The following GABRG3 variants were observed in gnomAD, a reference collection of about 807,000 sequenced individuals.
GABRG3 encodes gamma-aminobutyric acid type A receptor subunit gamma3, also known as gamma-aminobutyric acid receptor subunit gamma-3.
Under a neutral mutation model 48.8 loss-of-function variants are expected in GABRG3, and 25 were observed. The ratio of observed to expected loss-of-function variants is 0.51; its 90% confidence interval spans 0.37 to 0.72. The LOEUF is 0.72. Ranked by LOEUF, GABRG3 falls within the 30% of genes least tolerant of loss-of-function variation. The probability of loss-of-function intolerance (pLI) is 0.00; values close to 1 mark genes in which losing one functional copy is unlikely to be tolerated. For synonymous variants in GABRG3, 227 were observed against 217.6 expected (o/e 1.04, Z -0.38); for missense variants, 394 against 577.9 (o/e 0.68, Z 3.26).
intron 5 of GABRG3, among the ~76,000 whole-genome samples, chr15:27,382,930 G>C (rs1347397723): frequency 6.6e-6 from 1 of 152,130 alleles, no homozygotes; most frequent in Non-Finnish European, 1.5e-5. Flanking sequence ...TGTTGAGTGT[G>C]CTTGGATATA....
intron 9 of GABRG3, among the ~76,000 whole-genome samples, chr15:27,528,266 A>G (rs927614277): frequency 4.6e-5 from 7 of 152,200 alleles, no homozygotes; most frequent in African/African-American, 1.4e-4. Flanking sequence ...ATATAGGTTC[A>G]TGCATTTTAG....
intron 2 of GABRG3, among the ~76,000 whole-genome samples, chr15:26,998,527 A>C (rs1293411741): frequency 6.6e-6 from 1 of 152,118 alleles, no homozygotes; most frequent in African/African-American, 2.4e-5. Context: ...CCCACTCTTC[A>C]AGTAAACAAG....
chr15:27,162,032 A>G (rs1016081366), intron 3 of GABRG3, among the ~76,000 whole-genome samples: 1 of 152,092 alleles, frequency 6.6e-6, no homozygotes, highest in Non-Finnish European at 1.5e-5. Flanking sequence ...TTTATTTATA[A>G]AAGTGAAGGG....
At chr15:27,214,090 A>G (rs560922570) in intron 3 of GABRG3, among the ~76,000 whole-genome samples, 1 of 152,330 alleles carries the variant, frequency 6.6e-6, no homozygotes, top group South Asian at 2.1e-4. Context: ...AACTGAGGCA[A>G]TCTGGAGAAG....
At chr15:27,203,963 G>A (rs1040074697) in intron 3 of GABRG3, among the ~76,000 whole-genome samples, 1 of 151,942 alleles carries the variant, frequency 6.6e-6, no homozygotes, top group Non-Finnish European at 1.5e-5. Context: ...CCTTTGTCAG[G>A]TGTATAGTTT....
chr15:27,115,384 T>C (rs189984805), intron 3 of GABRG3, among the ~76,000 whole-genome samples: 106 of 152,306 alleles, frequency 7.0e-4, no homozygotes, highest in Admixed American at 2.3e-3. Flanking sequence ...CAGAACACGG[T>C]GGACCCAGGG....
intron 3 of GABRG3, among the ~76,000 whole-genome samples, chr15:27,177,228 G>A (rs1056831110): frequency 6.6e-6 from 1 of 152,166 alleles, no homozygotes; most frequent in Non-Finnish European, 1.5e-5. Flanking sequence ...CTTGGTATGA[G>A]TTACAGGTCC....
At chr15:27,115,311 C>T (rs541941002) in intron 3 of GABRG3, among the ~76,000 whole-genome samples, 242 of 152,180 alleles carry the variant, frequency 1.6e-3, no homozygotes, top group African/African-American at 5.5e-3. Context: ...GGTCCAGCTG[C>T]GAGCTCCATT....
intron 3 of GABRG3, among the ~76,000 whole-genome samples, chr15:27,121,798 G>T (rs1897736495): frequency 6.6e-6 from 1 of 152,114 alleles, no homozygotes; most frequent in Non-Finnish European, 1.5e-5. Flanking sequence ...GTGAGATTCT[G>T]TTTTTTTGCA....
intron 5 of GABRG3, among the ~76,000 whole-genome samples, chr15:27,372,957 G>A (rs1209808069): frequency 6.6e-6 from 1 of 152,140 alleles, no homozygotes; most frequent in Admixed American, 6.5e-5. Flanking sequence ...TTCAGCTGTG[G>A]CCTCCAGCAA....
intron 3 of GABRG3, among the ~76,000 whole-genome samples, chr15:27,082,965 G>A (rs981641950): frequency 2.0e-5 from 3 of 152,194 alleles, no homozygotes; most frequent in African/African-American, 7.2e-5. Flanking sequence ...AGGACTACAA[G>A]TTTTCTCCGT....
intron 3 of GABRG3, among the ~76,000 whole-genome samples, chr15:27,247,079 C>T (rs1232075644): frequency 6.6e-6 from 1 of 152,206 alleles, no homozygotes; most frequent in African/African-American, 2.4e-5. Flanking sequence ...ACTGGGACTG[C>T]AGGTGTGCAC....
intron 5 of GABRG3, among the ~76,000 whole-genome samples, chr15:27,388,151 G>A (rs1321929453): frequency 2.6e-5 from 2 of 77,562 alleles, no homozygotes; most frequent in African/African-American, 7.8e-5. Context: ...GGTAAGGAAG[G>A]AAGGAAGAAA....
At chr15:27,528,350 TAA>T (rs1891333147) in intron 9 of GABRG3, among the ~76,000 whole-genome samples, 2 of 152,250 alleles carry the variant, frequency 1.3e-5, no homozygotes, top group Non-Finnish European at 2.9e-5. Context: ...TATATGTACT[TAA>T]GTTTTGTGCC....
intron 2 of GABRG3, among the ~76,000 whole-genome samples, chr15:26,990,537 A>G (rs1335238321): frequency 1.3e-5 from 2 of 152,126 alleles, no homozygotes; most frequent in African/African-American, 4.8e-5. Context: ...CTCTTGTCAG[A>G]TGGATAGTTT....
chr15:27,072,164 A>G lies in GABRG3; in HGVS notation c.270+45343A>G, dbSNP rs1896839270. On this transcript the variant is annotated intron_variant, in intron 3 of 9. Transcript: ENST00000615808. ...GCTCCTGAAGGTCCTGAAGGCTGCC[A>G]GCTCTCCTTGTGAGTCTTCTCATGG... Among the ~76,000 whole-genome samples, 4 of 152,210 alleles carry G rather than the reference A, an allele frequency of 2.6e-5. No individual in the cohort carries two copies. In the South Asian group the frequency reaches 6.2e-4, roughly 24 times the overall value.
At chr15:27,250,269 C>G (rs963214880) in intron 3 of GABRG3, among the ~76,000 whole-genome samples, 13 of 152,202 alleles carry the variant, frequency 8.5e-5, no homozygotes, top group Non-Finnish European at 1.5e-4. Flanking sequence ...CTGATCACCT[C>G]CAGACCCATG....
chr15:27,289,061 A>G (rs778326592), intron 3 of GABRG3, among the ~76,000 whole-genome samples: 2 of 152,184 alleles, frequency 1.3e-5, no homozygotes, highest in Non-Finnish European at 2.9e-5. Flanking sequence ...CTCTGTATAT[A>G]TATAATGTCT....
chr15:27,250,444 T>A (rs1001766729), intron 3 of GABRG3, among the ~76,000 whole-genome samples: 1 of 152,212 alleles, frequency 6.6e-6, no homozygotes, highest in African/African-American at 2.4e-5. Flanking sequence ...AGCGCTGCTT[T>A]TTTTTGAAAA....
Sources: gnomAD v4.1 joint callset for allele counts (sites outside exome capture counted in the v4.1 genomes callset) on GRCh38, gnomAD v4.1.1 for gene constraint, MANE v1.5 for transcripts, NCBI Gene and HGNC (gene_info 2026-07-23, HGNC 2026-07-21) for gene names.